The following TNFRSF6B variants were observed in gnomAD, a reference collection of about 807,000 sequenced individuals.
The protein encoded by TNFRSF6B is tumor necrosis factor receptor superfamily member 6B.
A neutral mutation model predicts 17.9 loss-of-function variants in TNFRSF6B; 23 were observed. That is an observed-to-expected ratio of 1.28 (90% CI 0.92 to 1.82). The LOEUF is 1.82. TNFRSF6B is among the 40% of genes most tolerant of loss of function. The pLI is 0.00. For synonymous variants in TNFRSF6B, 291 were observed against 195.8 expected, an observed-to-expected ratio of 1.49 and a Z score of -4.06; for missense variants, 555 against 437.2, an observed-to-expected ratio of 1.27 and a Z score of -2.40.
At chr20:63,698,183 ACCC>A (rs1203525232) in intron 2 of TNFRSF6B, 94 bp from the exon 3 acceptor site, 25 of 1,459,148 alleles carry the variant, frequency 1.7e-5, no homozygotes, top group South Asian at 2.6e-5. Context: ...TCTCCTGCAA[ACCC>A]CCCGAGTGGG....
Position 63,696,689 on chromosome 20 carries a change from A to G in TNFRSF6B, c.-79A>G, listed in dbSNP as rs2090987999. 1.1e-5 allele frequency: 16 copies of G among 1,418,726 alleles called. No individual in the cohort carries two copies. The highest frequency in any genetic ancestry group is 1.5e-5 in the Non-Finnish European group (16 of 1,080,566). 87.9% of individuals were successfully genotyped at this position (1,418,726 alleles called of 1,614,324 possible). A position where few individuals can be genotyped will look rare whatever the true frequency, so the allele number is the denominator to read the frequency against. ...CCCCTCCGCAGGCGGACCGGGGGCA[A>G]AGGAGGTGGCATGTCGGTCAGGCAC... On this transcript the variant is annotated 5_prime_UTR_variant, in exon 1 of 3. Coordinates refer to ENST00000369996, the MANE Select transcript of TNFRSF6B (RefSeq NM_003823.4).
Position 63,698,275 on chromosome 20 carries a change from T to G in TNFRSF6B, c.620-5T>G, listed in dbSNP as rs1339225062. On this transcript the variant is annotated splice_region_variant and splice_polypyrimidine_tract_variant and intron_variant, in intron 2 of 2. Transcript: ENST00000369996. Reference sequence around the variant, plus strand: ...TCGGACCGCTGCCTCCCCACCCCACTGCAGGAGCTGAGGAGTGTGAGCGTG... The same window carrying G: ...TCGGACCGCTGCCTCCCCACCCCACGGCAGGAGCTGAGGAGTGTGAGCGTG... 6.2e-7 allele frequency: 1 copy of G among 1,610,130 alleles called. No homozygotes were observed. The highest frequency in any genetic ancestry group is 1.7e-5 in the Admixed American group (1 of 59,784).
Position 63,697,611 on chromosome 20 carries a change from G to A in TNFRSF6B, c.619+89G>A, listed in dbSNP as rs974922494. 2.9e-6 allele frequency: 4 copies of A among 1,364,944 alleles called. No homozygotes were observed. In the African/African-American group the frequency reaches 5.8e-5, roughly 20 times the overall value. The allele number at this position is 1,364,944 out of a possible 1,614,324, so 84.6% of individuals were successfully genotyped here. A position where few individuals can be genotyped will look rare whatever the true frequency, so the allele number is the denominator to read the frequency against. Reference sequence around the variant, plus strand: ...CCCCTGCACGTGCATCTAGCCTGAGGCATGCCAGCTGGCTCTGGGAAGGGG... The same window carrying A: ...CCCCTGCACGTGCATCTAGCCTGAGACATGCCAGCTGGCTCTGGGAAGGGG... On this transcript the variant is annotated intron_variant, in intron 2 of 2. Transcript: ENST00000369996.
rs937966789 is a variant in TNFRSF6B, at chr20:63,698,412, C to T, written c.752C>T (p.Ala251Val). The change falls in exon 3 of 3, where the codon GCG becomes GTG. Residue 251 changes from alanine (A) to valine (V), a missense_variant. Physicochemically the swap from Ala to Val is moderately conservative, Grantham distance 64. Transcript: ENST00000369996. ...GWGPTPRAGR[A>V]ALQLKLRRRL... is the part of the protein sequence containing the mutation. ...GGTCCGACACCAAGGGCGGGCCGCGCGGCCTTGCAGCTGAAGCTGCGTCGG... is the reference window on the plus strand; with the variant it reads ...GGTCCGACACCAAGGGCGGGCCGCGTGGCCTTGCAGCTGAAGCTGCGTCGG... 14 of 1,592,842 alleles carry T rather than the reference C, an allele frequency of 8.8e-6. No homozygotes were observed. Among genetic ancestry groups the T allele is most frequent in the Admixed American group, 1.8e-5 (1 of 55,500 alleles).
rs956684528 is a variant in TNFRSF6B, at chr20:63,696,810, G to C, written c.43G>C (p.Val15Leu). 3.1e-6 allele frequency: 5 copies of C among 1,608,678 alleles called. No individual in the cohort carries two copies. The African/African-American group carries it at 6.7e-5, about 21-fold the overall frequency. ...EGPGLSLLCL[V>L]LALPALLPVP... The stretch of plus-strand genomic sequence containing the variant: ...GCCAGGCCTGTCGCTGCTGTGCCTG[G>C]TGTTGGCGCTGCCTGCCCTGCTGCC... Residue 15 changes from valine (V) to leucine (L), a missense_variant, in exon 1 of 3, where the codon GTG becomes CTG. Coordinates refer to ENST00000369996, the MANE Select transcript of TNFRSF6B (RefSeq NM_003823.4).
In TNFRSF6B at chr20:63,696,987, C is replaced by T; in HGVS notation, c.220C>T (p.Pro74Ser). The change falls in exon 1 of 3, where the codon CCA becomes TCA. Residue 74 changes from proline to serine, a missense_variant. Pro to Ser is a moderately conservative substitution (Grantham distance 74, BLOSUM62 -1). Transcript: ENST00000369996. ...CAGCCCCACGACGTGTGGCCCGTGT[C>T]CACCGCGCCACTACACGCAGTTCTG... ...RDSPTTCGPC[P>S]PRHYTQFWNY... is the part of the protein sequence containing the mutation. The T allele has an allele frequency of 6.2e-7, 1 of 1,608,040 alleles. No homozygotes were observed. Among genetic ancestry groups the T allele is most frequent in the East Asian group, 2.2e-5 (1 of 44,670 alleles).
At position 63,696,749 on chromosome 20, in the gene TNFRSF6B, C is replaced by A; in HGVS notation, c.-19C>A. ...CTGTGTCCGCGCTGAGCCGCGCTCTCCCTGCTCCAGCAAGGACCATGAGGG... is the reference window on the plus strand; with the variant it reads ...CTGTGTCCGCGCTGAGCCGCGCTCTACCTGCTCCAGCAAGGACCATGAGGG... On this transcript the variant is annotated 5_prime_UTR_variant, in exon 1 of 3. Coordinates refer to ENST00000369996, the MANE Select transcript of TNFRSF6B (RefSeq NM_003823.4). 6.5e-7 allele frequency: 1 copy of A among 1,548,424 alleles called. No homozygotes were observed. The highest frequency in any genetic ancestry group is 8.7e-7 in the Non-Finnish European group (1 of 1,146,764).
In TNFRSF6B at chr20:63,696,868, C is replaced by G; in HGVS notation, c.101C>G (p.Pro34Arg). The change falls in exon 1 of 3, where the codon CCC becomes CGC. Residue 34 changes from proline to arginine, a missense_variant. Transcript: ENST00000369996. ...VPAVRGVAET[P>R]TYPWRDAETG... is the part of the protein sequence containing the mutation. ...GCTGTACGCGGAGTGGCAGAAACACCCACCTACCCCTGGCGGGACGCAGAG... is the reference window on the plus strand; with the variant it reads ...GCTGTACGCGGAGTGGCAGAAACACGCACCTACCCCTGGCGGGACGCAGAG... 2 of 1,611,758 alleles carry G rather than the reference C, an allele frequency of 1.2e-6. No individual in the cohort carries two copies. The highest frequency in any genetic ancestry group is 8.5e-7 in the Non-Finnish European group (1 of 1,179,528).
In TNFRSF6B at chr20:63,696,950, G is replaced by C. The variant is rs538491653; in HGVS notation, c.183G>C (p.Pro61=). ...QCPPGTFVQR[P]CRRDSPTTCG... ...CCCCAGGCACCTTTGTGCAGCGGCC[G>C]TGCCGCCGAGACAGCCCCACGACGT... The change falls in exon 1 of 3, where the codon CCG becomes CCC. Residue 61 remains proline (P), a synonymous_variant. Coordinates refer to ENST00000369996, the MANE Select transcript of TNFRSF6B (RefSeq NM_003823.4). 3 of 1,604,988 alleles carry C rather than the reference G, an allele frequency of 1.9e-6. No individual in the cohort carries two copies. In the East Asian group the frequency reaches 6.7e-5, roughly 36 times the overall value.
chr20:63,698,117 C>G (rs1236071706), intron 2 of TNFRSF6B, among the ~76,000 whole-genome samples, 163 bp from the exon 3 acceptor site: 1 of 152,224 alleles, frequency 6.6e-6, no homozygotes, highest in African/African-American at 2.4e-5. Flanking sequence ...GCCCCTTCTC[C>G]AGTCCCCATC....
chr20:63,697,549 A>C (rs1346476494), intron 2 of TNFRSF6B, 27 bp downstream of exon 2: 5 of 1,525,366 alleles, frequency 3.3e-6, no homozygotes, highest in Non-Finnish European at 4.4e-6. Context: ...AGGGGGCAGC[A>C]CACTGCAGGC....
chr20:63,697,042 A>G lies in TNFRSF6B; in HGVS notation c.275A>G (p.Asn92Ser), dbSNP rs780254251. The stretch of plus-strand genomic sequence containing the variant: ...TACCTAGAGCGCTGCCGCTACTGCA[A>G]CGTCCTCTGCGGGGAGCGTGAGGAG... ...WNYLERCRYC[N>S]VLCGEREEEA... Residue 92 changes from asparagine (N) to serine (S), a missense_variant, in exon 1 of 3, where the codon AAC becomes AGC. Coordinates refer to ENST00000369996, the MANE Select transcript of TNFRSF6B (RefSeq NM_003823.4). The G allele has an allele frequency of 6.2e-6, 10 of 1,607,400 alleles. No individual in the cohort carries two copies. The highest frequency in any genetic ancestry group is 4.5e-5 in the East Asian group (2 of 44,850).
intron 2 of TNFRSF6B, 67 bp from the exon 3 acceptor site, chr20:63,698,213 A>G (rs544481762): frequency 6.4e-7 from 1 of 1,572,250 alleles, no homozygotes; most frequent in South Asian, 1.2e-5. Flanking sequence ...AAAGCAGGGT[A>G]CCTGGCAGCC....
rs1294345722 is a variant in TNFRSF6B at position 63,697,199 on chromosome 20, C to T, written c.424+8C>T. 1.3e-6 allele frequency: 2 copies of T among 1,555,010 alleles called. No individual in the cohort carries two copies. Among genetic ancestry groups the T allele is most frequent in the Middle Eastern group, 1.7e-4 (1 of 5,728 alleles). On this transcript the variant is annotated splice_region_variant and intron_variant, in intron 1 of 2. Coordinates refer to ENST00000369996, the MANE Select transcript of TNFRSF6B (RefSeq NM_003823.4). ...CCGGCGTGATTGCCCCGGGTGAGAG[C>T]TGGGCGAGGGGAGGGGCCCCCAGGA...
In TNFRSF6B at chr20:63,697,537, T is replaced by C. The variant is rs1050754835; in HGVS notation, c.619+15T>C. The C allele has an allele frequency of 7.8e-6, 12 of 1,534,300 alleles. No homozygotes were observed. Among genetic ancestry groups the C allele is most frequent in the Admixed American group, 6.0e-5 (3 of 50,256 alleles). On this transcript the variant is annotated intron_variant, in intron 2 of 2. Transcript: ENST00000369996. ...CAGGGTACCAGGTGAGCCAGAGGCC[T>C]GAGGGGGCAGCACACTGCAGGCCAG...
chr20:63,697,356 G>T lies in TNFRSF6B; in HGVS notation c.453G>T (p.Gln151His). Residue 151 changes from glutamine to histidine, a missense_variant, in exon 2 of 3, where the codon CAG (glutamine) becomes CAT (histidine). Transcript: ENST00000369996. The part of the protein sequence containing the change: ...PGTPSQNTQC[Q>H]PCPPGTFSAS... Reference sequence around the variant, plus strand: ...CCCCCAGCCAGAACACGCAGTGCCAGCCGTGCCCCCCAGGCACCTTCTCAG... The same window carrying T: ...CCCCCAGCCAGAACACGCAGTGCCATCCGTGCCCCCCAGGCACCTTCTCAG... 2 of 1,592,768 alleles carry T rather than the reference G, an allele frequency of 1.3e-6. No homozygotes were observed. Among genetic ancestry groups the T allele is most frequent in the Non-Finnish European group, 1.7e-6 (2 of 1,173,162 alleles).
At position 63,698,650 on chromosome 20, in the gene TNFRSF6B, C is replaced by T. The variant is rs1171278281; in HGVS notation, c.*87C>T. ...TTTTTAAATAGAAGAAATGAGGTTTCTTAAAGCTTATTTTTATAAAGCTTT... is the reference window on the plus strand; with the variant it reads ...TTTTTAAATAGAAGAAATGAGGTTTTTTAAAGCTTATTTTTATAAAGCTTT... On this transcript the variant is annotated 3_prime_UTR_variant, in exon 3 of 3. Transcript: ENST00000369996. 5 of 1,336,030 alleles carry T rather than the reference C, an allele frequency of 3.7e-6. No individual in the cohort carries two copies. Among genetic ancestry groups the T allele is most frequent in the African/African-American group, 3.1e-5 (2 of 63,854 alleles). 82.8% of individuals were successfully genotyped at this position (1,336,030 alleles called of 1,614,324 possible).
Position 63,697,151 on chromosome 20 carries a change from G to A in TNFRSF6B, c.384G>A (p.Glu128=). 2 of 1,577,120 alleles carry A rather than the reference G, an allele frequency of 1.3e-6. No homozygotes were observed. The highest frequency in any genetic ancestry group is 1.7e-4 in the Middle Eastern group (1 of 5,848). The part of the protein sequence containing the change: ...GFFAHAGFCL[E]HASCPPGAGV... ...TCGCGCACGCTGGTTTCTGCTTGGA[G>A]CACGCATCGTGTCCACCTGGTGCCG... is the stretch of plus-strand genomic sequence containing the variant. Residue 128 remains glutamate (E), a synonymous_variant, in exon 1 of 3, where the codon GAG becomes GAA. Transcript: ENST00000369996.
intron 2 of TNFRSF6B, among the ~76,000 whole-genome samples, chr20:63,697,877 G>T (rs1366264007): frequency 2.0e-5 from 3 of 152,188 alleles, no homozygotes; most frequent in Non-Finnish European, 4.4e-5. Context: ...TGCCTCCTCT[G>T]ACATGGGGAA....
Sources: gnomAD v4.1 joint callset for allele counts (sites outside exome capture counted in the v4.1 genomes callset) on GRCh38, gnomAD v4.1.1 for gene constraint, MANE v1.5 for transcripts, NCBI Gene and HGNC (gene_info 2026-07-23, HGNC 2026-07-21) for gene names.